Variants in GHR observed in about 807,000 individuals in gnomAD.
GHR encodes the protein GH receptor.
GHR carries 35 observed loss-of-function variants against 67.1 expected under a neutral mutation model. That is an observed-to-expected ratio of 0.52 (90% CI 0.40 to 0.69). GHR has a LOEUF of 0.69. Ranked by LOEUF, GHR falls within the 30% of genes least tolerant of loss-of-function variation. The probability of loss-of-function intolerance (pLI) is 0.00; values close to 1 mark genes in which losing one functional copy is unlikely to be tolerated. For missense variants in GHR, 792 were observed against 764.6 expected, an observed-to-expected ratio of 1.04 and a Z score of -0.42; for synonymous variants, 272 against 269.1, an observed-to-expected ratio of 1.01 and a Z score of -0.10.
At chr5:42,430,145 C>T (rs1034788297) in intron 1 of GHR, among the ~76,000 whole-genome samples, 1 of 152,138 alleles carries the variant, frequency 6.6e-6, no homozygotes, top group African/African-American at 2.4e-5. Context: ...GGACAAAGGC[C>T]CTGTTACTCT....
intron 8 of GHR, among the ~76,000 whole-genome samples, chr5:42,717,505 G>A (rs1335232718): frequency 6.6e-6 from 1 of 152,110 alleles, no homozygotes; most frequent in Non-Finnish European, 1.5e-5. Context: ...CATCTGAAAT[G>A]AACCCTGTAG....
Position 42,689,035 on chromosome 5 carries a change from C to T in GHR, c.266+16C>T. On this transcript the variant is annotated intron_variant, in intron 4 of 9. Coordinates refer to ENST00000230882, the MANE Select transcript of GHR (RefSeq NM_000163.5). ...ATACCAGAAGGTGCCACCATCATGC[C>T]TTTCTGATTTTCCTCTCCATGGATG... 1 of 1,611,710 alleles carries T rather than the reference C, an allele frequency of 6.2e-7. No individual in the cohort carries two copies. Among genetic ancestry groups the T allele is most frequent in the South Asian group, 1.1e-5 (1 of 91,026 alleles).
chr5:42,632,822 A>C (rs1286538318), intron 3 of GHR, among the ~76,000 whole-genome samples: 5 of 152,208 alleles, frequency 3.3e-5, no homozygotes, highest in Non-Finnish European at 5.9e-5. Flanking sequence ...AGATATCCAA[A>C]CAACTTTTTT....
intron 2 of GHR, among the ~76,000 whole-genome samples, chr5:42,579,145 GATAGATATAGAT>G (rs1364730148): frequency 6.7e-5 from 3 of 44,834 alleles, no homozygotes; most frequent in East Asian, 6.9e-4. Context: ...ATAGATGATA[GATAGATATAGAT>G]AGATAGATAG....
chr5:42,473,717 A>G (rs890037720), intron 1 of GHR, among the ~76,000 whole-genome samples: 1 of 151,950 alleles, frequency 6.6e-6, no homozygotes, highest in Admixed American at 6.6e-5. Flanking sequence ...TCTCTACTAC[A>G]AATACAAAAA....
At chr5:42,686,513 G>A (rs555802939) in intron 3 of GHR, among the ~76,000 whole-genome samples, 5 of 152,138 alleles carry the variant, frequency 3.3e-5, no homozygotes, top group African/African-American at 1.2e-4. Context: ...GGAATGCAAG[G>A]CTGGTTCAAC....
chr5:42,455,230 CT>C (rs755559321), intron 1 of GHR, among the ~76,000 whole-genome samples: 12 of 152,118 alleles, frequency 7.9e-5, no homozygotes, highest in Non-Finnish European at 1.6e-4. Flanking sequence ...GAACTCATTG[CT>C]TTTTGCCTGT....
chr5:42,563,624 CAAA>C (rs1168788232), intron 1 of GHR, among the ~76,000 whole-genome samples: 42 of 45,092 alleles, frequency 9.3e-4, no homozygotes, highest in Admixed American at 2.4e-3. Context: ...GACTCCGTCT[CAAA>C]AAAAAAAAAA....
intron 2 of GHR, among the ~76,000 whole-genome samples, chr5:42,611,593 G>A (rs955752898): frequency 6.6e-6 from 1 of 152,130 alleles, no homozygotes; most frequent in Non-Finnish European, 1.5e-5. Flanking sequence ...GAATTTAGTA[G>A]AAGAGGAACA....
At chr5:42,615,754 A>C (rs1465157900) in intron 2 of GHR, among the ~76,000 whole-genome samples, 8 of 148,334 alleles carry the variant, frequency 5.4e-5, no homozygotes, top group South Asian at 2.1e-4. Flanking sequence ...AAAAAAAAAA[A>C]CATAGAATTA....
At chr5:42,598,019 T>A in intron 2 of GHR, among the ~76,000 whole-genome samples, 1 of 152,200 alleles carries the variant, frequency 6.6e-6, no homozygotes, top group Non-Finnish European at 1.5e-5. Context: ...AAAGCATGAC[T>A]TGATTCATGT....
chr5:42,683,490 C>T (rs1009515716), intron 3 of GHR, among the ~76,000 whole-genome samples: 1 of 152,186 alleles, frequency 6.6e-6, no homozygotes, highest in Non-Finnish European at 1.5e-5. Context: ...CTGCCATCCA[C>T]TCCATGCTGC....
intron 2 of GHR, among the ~76,000 whole-genome samples, chr5:42,567,610 T>G (rs1750014977): frequency 6.6e-6 from 1 of 152,218 alleles, no homozygotes; most frequent in Admixed American, 6.5e-5. Context: ...TCTTTTTTTT[T>G]TGTCTTATTG....
intron 1 of GHR, among the ~76,000 whole-genome samples, chr5:42,538,435 T>C (rs1445626563): frequency 6.6e-6 from 1 of 152,218 alleles, no homozygotes; most frequent in East Asian, 1.9e-4. Context: ...TCATATATGA[T>C]GCTTAGCTTG....
chr5:42,664,376 G>A (rs1159901160), intron 3 of GHR, among the ~76,000 whole-genome samples: 1 of 152,112 alleles, frequency 6.6e-6, no homozygotes, highest in Non-Finnish European at 1.5e-5. Context: ...AAACAGCATG[G>A]TACTGGTACC....
At chr5:42,565,107 G>A (rs1012057974) in intron 1 of GHR, among the ~76,000 whole-genome samples, 7 of 152,104 alleles carry the variant, frequency 4.6e-5, no homozygotes, top group Non-Finnish European at 7.3e-5. Flanking sequence ...TACTCTCTCC[G>A]TTAGACTGAA....
At chr5:42,561,620 C>T (rs1749612183) in intron 1 of GHR, among the ~76,000 whole-genome samples, 1 of 152,148 alleles carries the variant, frequency 6.6e-6, no homozygotes, top group Non-Finnish European at 1.5e-5. Flanking sequence ...ATGCCAGCTG[C>T]ATTACGCTGG....
chr5:42,490,866 A>T (rs1447537276), intron 1 of GHR, among the ~76,000 whole-genome samples: 1 of 152,232 alleles, frequency 6.6e-6, no homozygotes, highest in Non-Finnish European at 1.5e-5. Context: ...AAATTTAACT[A>T]CTGAAGGGAA....
chr5:42,467,372 C>T (rs112129185), intron 1 of GHR: 13 of 952,500 alleles, frequency 1.4e-5, no homozygotes, highest in Admixed American at 5.3e-5. Context: ...TTGCCAGAAT[C>T]GTTACAGGCA....
Sources: allele counts gnomAD v4.1 joint callset (sites outside exome capture counted in the v4.1 genomes callset), GRCh38; gene constraint gnomAD v4.1.1; transcripts MANE v1.5; gene names NCBI Gene and HGNC (gene_info 2026-07-23, HGNC 2026-07-21).